The following HPS4 variants were observed in gnomAD, a reference collection of about 807,000 sequenced individuals.
The protein encoded by HPS4 is BLOC-3 complex member HPS4.
A neutral mutation model predicts 70.3 loss-of-function variants in HPS4; 44 were observed. That is an observed-to-expected ratio of 0.63 (90% CI 0.49 to 0.80). The LOEUF (loss-of-function observed/expected upper bound fraction) is 0.80. Among genes scored for constraint, HPS4 ranks in the 30% least tolerant of loss-of-function variants. The pLI is 0.00. For synonymous variants in HPS4, 377 were observed against 355.9 expected (o/e 1.06, Z -0.67); for missense variants, 873 against 884.4 (o/e 0.99, Z 0.16).
chr22:26,455,127 G>A (rs1421928669), intron 13 of HPS4, among the ~76,000 whole-genome samples: 1 of 150,820 alleles, frequency 6.6e-6, no homozygotes, highest in Non-Finnish European at 1.5e-5. Context: ...CTTTTACACT[G>A]TTGGTGGGAC....
Position 26,464,081 on chromosome 22 carries a change from CCT to C in HPS4, c.1547_1548del (p.Gln516ArgfsTer42). 1 of 1,614,242 alleles carries C rather than the reference CCT, an allele frequency of 6.2e-7. No individual in the cohort carries two copies. The highest frequency in any genetic ancestry group is 1.1e-5 in the South Asian group (1 of 91,088). The part of the protein sequence containing the change: ...LECSSGSANC[Q>X]GAGPSADGIS... ...ATTCCATCTGCAGAGGGGCCAGCACCCTGACAGTTTGCTGAGCCTGAACTGCA... is the reference window on the plus strand; with the variant it reads ...ATTCCATCTGCAGAGGGGCCAGCACCGACAGTTTGCTGAGCCTGAACTGCA... On this transcript the variant is annotated frameshift_variant, in exon 11 of 14. Transcript: ENST00000398145. LOFTEE classifies it high-confidence loss of function.
chr22:26,455,868 C>T (rs1477761194), intron 13 of HPS4, among the ~76,000 whole-genome samples: 1 of 152,124 alleles, frequency 6.6e-6, no homozygotes. Flanking sequence ...TGACATACTG[C>T]AGGGCCACAA....
downstream of HPS4, among the ~76,000 whole-genome samples, chr22:26,446,774 GC>G (rs1202419207): frequency 1.3e-5 from 2 of 152,116 alleles, no homozygotes; most frequent in Non-Finnish European, 2.9e-5. Context: ...CTCCTCTGTT[GC>G]CCAGGCTGGA....
intron 7 of HPS4, 49 bp downstream of exon 7, chr22:26,470,670 T>C (rs765852052): frequency 6.3e-7 from 1 of 1,580,744 alleles, no homozygotes. Flanking sequence ...GATGGTCAGT[T>C]GTGCAGCAAG....
intron 13 of HPS4, 105 bp from the exon 14 acceptor site, chr22:26,453,509 A>C (rs1211179816): frequency 4.1e-6 from 5 of 1,211,754 alleles, no homozygotes; most frequent in African/African-American, 1.5e-5. Context: ...CAGGACACCC[A>C]ATGTGGCATG....
downstream of HPS4, among the ~76,000 whole-genome samples, chr22:26,448,929 C>G (rs928722194): frequency 1.3e-5 from 2 of 152,156 alleles, no homozygotes; most frequent in African/African-American, 4.8e-5. Context: ...CAGTCAGAAT[C>G]AAGAAGCAAA....
rs907021617 is a variant in HPS4 at position 26,477,037 on chromosome 22, T to A, written c.232A>T (p.Arg78Ter). The change falls in exon 4 of 14, where the codon AGA (arginine) becomes TGA (stop). Residue 78 changes from arginine to a stop codon, truncating the protein, a stop_gained. Transcript: ENST00000398145. LOFTEE classifies it high-confidence loss of function. ...SDSPPTLVRL[R>*]KLKFAIKVDG... ...ACTTTTATGGCAAACTTCAGTTTTC[T>A]CAGACGAACAAGAGTAGGAGGAGAG... is the stretch of plus-strand genomic sequence containing the variant. 1 of 1,614,222 alleles carries A rather than the reference T, an allele frequency of 6.2e-7. No homozygotes were observed. Among genetic ancestry groups the A allele is most frequent in the Non-Finnish European group, 8.5e-7 (1 of 1,180,036 alleles).
At chr22:26,479,495 C>G in intron 2 of HPS4, 140 bp from the exon 3 acceptor site, 2 of 1,470,540 alleles carry the variant, frequency 1.4e-6, no homozygotes, top group Non-Finnish European at 1.8e-6. Flanking sequence ...GAATAAAGAA[C>G]CCCAGTAGCT....
At chr22:26,479,426 T>C (rs775907413) in intron 2 of HPS4, 71 bp from the exon 3 acceptor site, 12 of 1,582,192 alleles carry the variant, frequency 7.6e-6, no homozygotes, top group Non-Finnish European at 1.0e-5. Flanking sequence ...CACAGCTTCC[T>C]GTTTCCCAGC....
intron 13 of HPS4, among the ~76,000 whole-genome samples, chr22:26,457,616 C>A (rs1407674720): frequency 1.3e-5 from 2 of 152,330 alleles, no homozygotes; most frequent in Middle Eastern, 3.4e-3. Context: ...TGGTGAGGAC[C>A]TCAGGTTCCT....
At chr22:26,461,079 G>A (rs746515842) in intron 11 of HPS4, among the ~76,000 whole-genome samples, 3 of 152,242 alleles carry the variant, frequency 2.0e-5, no homozygotes, top group Non-Finnish European at 4.4e-5. Flanking sequence ...ACACAGAGCT[G>A]AGGCTAATTC....
At chr22:26,447,922 T>C (rs2085009555), downstream of HPS4, among the ~76,000 whole-genome samples, 1 of 152,148 alleles carries the variant, frequency 6.6e-6, no homozygotes. Flanking sequence ...ACCTGCTTCT[T>C]TGAGCATGGA....
chr22:26,460,239 T>G (rs1383120075), intron 11 of HPS4, among the ~76,000 whole-genome samples: 3 of 152,252 alleles, frequency 2.0e-5, no homozygotes, highest in African/African-American at 7.2e-5. Flanking sequence ...TATGAGCTAT[T>G]TGGTTTAAAC....
chr22:26,471,756 G>C (rs1279161470), intron 6 of HPS4, among the ~76,000 whole-genome samples: 1 of 152,186 alleles, frequency 6.6e-6, no homozygotes, highest in African/African-American at 2.4e-5. Context: ...AGAGGGCTGT[G>C]AGTCAGGGCT....
intron 6 of HPS4, 113 bp from the exon 7 acceptor site, chr22:26,470,926 G>C: frequency 1.1e-5 from 17 of 1,553,396 alleles, no homozygotes; most frequent in Non-Finnish European, 1.5e-5. Flanking sequence ...TCAAAGCCTG[G>C]AAAAGGAGAA....
intron 11 of HPS4, among the ~76,000 whole-genome samples, chr22:26,462,097 GCCT>G (rs2087397469): frequency 6.7e-6 from 1 of 148,286 alleles, no homozygotes; most frequent in South Asian, 2.1e-4. Context: ...TTGTACTCCA[GCCT>G]GGGCAACAAG....
At chr22:26,470,685 T>A (rs751269915) in intron 7 of HPS4, 34 bp downstream of exon 7, 1 of 1,601,826 alleles carries the variant, frequency 6.2e-7, no homozygotes, top group Non-Finnish European at 8.5e-7. Flanking sequence ...AGCAAGGGAA[T>A]GGGGCTGGAA....
In HPS4 at chr22:26,464,095, G is replaced by A. The variant is rs150216540; in HGVS notation, c.1535C>T (p.Ser512Leu). 172 of 1,614,158 alleles carry A rather than the reference G, an allele frequency of 1.1e-4. No homozygotes were observed. Among genetic ancestry groups the A allele is most frequent in the Non-Finnish European group, 1.4e-4 (168 of 1,180,064 alleles). Reference sequence around the variant, plus strand: ...GGGGCCAGCACCCTGACAGTTTGCTGAGCCTGAACTGCATTCCAGACCAGG... The same window carrying A: ...GGGGCCAGCACCCTGACAGTTTGCTAAGCCTGAACTGCATTCCAGACCAGG... ...AAPGLECSSG[S>L]ANCQGAGPSA... The change falls in exon 11 of 14, where the codon TCA becomes TTA. Residue 512 changes from serine to leucine, a missense_variant. Physicochemically the swap from Ser to Leu is moderately radical, Grantham distance 145. Transcript: ENST00000398145.
In HPS4 at chr22:26,453,373, T is replaced by G. The variant is rs759405900; in HGVS notation, c.1987A>C (p.Asn663His). The change falls in exon 14 of 14, where the codon AAC (asparagine) becomes CAC (histidine). Residue 663 changes from asparagine (N) to histidine (H), a missense_variant. Transcript: ENST00000398145. Reference sequence around the variant, plus strand: ...TGGAAATATGTCTCCTGGATGGGGTTGCAACAGGCGTACACAGCCGTGGAG... The same window carrying G: ...TGGAAATATGTCTCCTGGATGGGGTGGCAACAGGCGTACACAGCCGTGGAG... The part of the protein sequence containing the change: ...NASTAVYACC[N>H]PIQETYFQQL... The G allele has an allele frequency of 1.9e-6, 3 of 1,614,154 alleles. No individual in the cohort carries two copies. Among genetic ancestry groups the G allele is most frequent in the Non-Finnish European group, 2.5e-6 (3 of 1,180,034 alleles).
Sources: allele counts gnomAD v4.1 joint callset (sites outside exome capture counted in the v4.1 genomes callset), GRCh38; gene constraint gnomAD v4.1.1; transcripts MANE v1.5; gene names NCBI Gene and HGNC (gene_info 2026-07-23, HGNC 2026-07-21).